Variants in ROBO2 observed in about 807,000 individuals in gnomAD.
The protein encoded by ROBO2 is roundabout homolog 2.
A neutral mutation model predicts 160.8 loss-of-function variants in ROBO2; 53 were observed. That is an observed-to-expected ratio of 0.33 (90% CI 0.26 to 0.41). The LOEUF (loss-of-function observed/expected upper bound fraction) is 0.41, where lower values mean the gene tolerates loss of function less well. Ranked by LOEUF, ROBO2 falls within the 10% of genes least tolerant of loss-of-function variation. ROBO2 has a pLI of 1.00. For missense variants in ROBO2, 1,577 were observed against 1,722.4 expected (o/e 0.92, Z 1.49); for synonymous variants, 664 against 611.7 (o/e 1.09, Z -1.26).
chr3:77,219,187 C>A (rs997025675), intron 2 of ROBO2, among the ~76,000 whole-genome samples: 1 of 151,714 alleles, frequency 6.6e-6, no homozygotes, highest in African/African-American at 2.4e-5. Context: ...CAAGGCTGGT[C>A]TCGAACTCAG....
At chr3:77,024,985 T>C (rs1248388849) in intron 2 of ROBO2, among the ~76,000 whole-genome samples, 1 of 151,682 alleles carries the variant, frequency 6.6e-6, no homozygotes, top group Non-Finnish European at 1.5e-5. Flanking sequence ...TGTTTTTTGT[T>C]TTAAAAAAAA....
intron 2 of ROBO2, among the ~76,000 whole-genome samples, chr3:76,169,319 T>C (rs759683480): frequency 1.8e-4 from 28 of 152,164 alleles, no homozygotes; most frequent in South Asian, 1.2e-3. Context: ...GCTATGAAAA[T>C]TGGCAGATGA....
chr3:76,514,610 GATT>G (rs999798146), intron 2 of ROBO2, among the ~76,000 whole-genome samples: 13 of 152,050 alleles, frequency 8.5e-5, no homozygotes, highest in African/African-American at 2.9e-4. Flanking sequence ...AAAAATCCTA[GATT>G]ATTGTTGTTG....
intron 2 of ROBO2, among the ~76,000 whole-genome samples, chr3:77,030,584 G>A (rs1011224954): frequency 6.6e-6 from 1 of 152,156 alleles, no homozygotes; most frequent in African/African-American, 2.4e-5. Context: ...ATAAAGCCTA[G>A]ACCTCCAGAG....
intron 2 of ROBO2, among the ~76,000 whole-genome samples, chr3:76,473,779 A>C (rs1351782419): frequency 6.6e-6 from 1 of 152,154 alleles, no homozygotes; most frequent in African/African-American, 2.4e-5. Flanking sequence ...AGAATGAGAC[A>C]TTGAAGAAAT....
chr3:76,597,410 T>C (rs1050564832), intron 2 of ROBO2, among the ~76,000 whole-genome samples: 7 of 151,764 alleles, frequency 4.6e-5, no homozygotes, highest in African/African-American at 1.7e-4. Context: ...TAAAACTCAA[T>C]AGTAAAACAA....
intron 2 of ROBO2, among the ~76,000 whole-genome samples, chr3:77,345,471 G>A (rs1160736210): frequency 6.6e-6 from 1 of 152,128 alleles, no homozygotes; most frequent in Non-Finnish European, 1.5e-5. Context: ...AAGGCTAGCT[G>A]CCACAGGGAG....
chr3:76,119,686 CAT>C (rs2070637001), intron 2 of ROBO2, among the ~76,000 whole-genome samples: 1 of 151,732 alleles, frequency 6.6e-6, no homozygotes, highest in South Asian at 2.1e-4. Flanking sequence ...TGTGAAATGT[CAT>C]ATTATCATAG....
intron 2 of ROBO2, among the ~76,000 whole-genome samples, chr3:77,219,599 T>C (rs1378538330): frequency 6.7e-6 from 1 of 148,536 alleles, no homozygotes; most frequent in Non-Finnish European, 1.5e-5. Context: ...AGATTTGAAT[T>C]GTTGTTCTGC....
rs1482244731 is a variant in ROBO2, at chr3:77,634,653, C to T, written c.3761-217C>T. ...GTTCATTTGTTTGATTTTGAGGGGGCCAGTGGGGGTGTTGTTAGCTTATTA... is the reference window on the plus strand; with the variant it reads ...GTTCATTTGTTTGATTTTGAGGGGGTCAGTGGGGGTGTTGTTAGCTTATTA... On this transcript the variant is annotated intron_variant, in intron 23 of 25. Transcript: ENST00000461745. 1.1e-5 allele frequency: 6 copies of T among 544,024 alleles called. No homozygotes were observed. The Middle Eastern group carries it at 3.0e-3, about 273-fold the overall frequency. The allele number at this position is 544,024 out of a possible 1,614,324, so 33.7% of individuals were successfully genotyped here. A position where few individuals can be genotyped will look rare whatever the true frequency, so the allele number is the denominator to read the frequency against.
chr3:76,023,687 C>T (rs78666071), intron 2 of ROBO2, among the ~76,000 whole-genome samples: 5,756 of 151,386 alleles, frequency 0.038, 345 homozygotes, highest in African/African-American at 0.12. Context: ...TAAATATAAC[C>T]ATAACAATAT....
rs5850279 is a variant in ROBO2, at chr3:76,654,929, T to TATATATATATA, written c.110-443085_110-443084insATATATATATA. On this transcript the variant is annotated intron_variant, in intron 2 of 26. Transcript: ENST00000487694. ...TATGTGTGTGTATATATATATATAT[T>TATATATATATA]TATATATATAAATTTAAAGTTCAAA... is the stretch of plus-strand genomic sequence containing the variant. Among the ~76,000 whole-genome samples, 702 of 141,342 alleles carry TATATATATATA rather than the reference T, an allele frequency of 5.0e-3. 9 individuals carry two copies. Among genetic ancestry groups the TATATATATATA allele is most frequent in the East Asian group, 0.019 (92 of 4,808 alleles). The allele number at this position is 141,342 out of a possible 152,430, so 92.7% of individuals were successfully genotyped here.
At chr3:77,392,872 C>T (rs552930350) in intron 2 of ROBO2, among the ~76,000 whole-genome samples, 5 of 152,198 alleles carry the variant, frequency 3.3e-5, no homozygotes, top group South Asian at 2.1e-4. Context: ...GTTATACATA[C>T]GAAACAAATC....
chr3:76,108,189 TC>T (rs149759121), intron 2 of ROBO2, among the ~76,000 whole-genome samples: 1 of 152,098 alleles, frequency 6.6e-6, no homozygotes, highest in Admixed American at 6.6e-5. Flanking sequence ...CTAATCATCT[TC>T]CTGCGTATGA....
At chr3:77,370,365 C>T (rs1447086559) in intron 2 of ROBO2, among the ~76,000 whole-genome samples, 2 of 152,226 alleles carry the variant, frequency 1.3e-5, no homozygotes, top group African/African-American at 4.8e-5. Context: ...ACCTGATCAT[C>T]TCTCAGTATA....
chr3:75,939,975 T>A (rs1474421609), intron 2 of ROBO2, among the ~76,000 whole-genome samples: 2 of 152,284 alleles, frequency 1.3e-5, no homozygotes, highest in African/African-American at 4.8e-5. Context: ...TCCAAGATTA[T>A]GATTAAGTAT....
chr3:77,520,856 AAAT>A (rs1188898005), intron 5 of ROBO2, among the ~76,000 whole-genome samples: 2 of 151,380 alleles, frequency 1.3e-5, no homozygotes, highest in Non-Finnish European at 3.0e-5. Context: ...GCCATTATCA[AAAT>A]AATTGTTTTT....
intron 1 of ROBO2, among the ~76,000 whole-genome samples, chr3:77,083,920 C>A (rs1244017738): frequency 6.6e-6 from 1 of 152,000 alleles, no homozygotes; most frequent in Non-Finnish European, 1.5e-5. Flanking sequence ...AGATACTAAA[C>A]CCACATTTGG....
chr3:77,100,864 A>T (rs760523650), intron 2 of ROBO2, among the ~76,000 whole-genome samples: 2 of 152,230 alleles, frequency 1.3e-5, no homozygotes, highest in Non-Finnish European at 2.9e-5. Flanking sequence ...TTCTAAGAGG[A>T]TACATTACTT....
Sources: allele counts gnomAD v4.1 joint callset (sites outside exome capture counted in the v4.1 genomes callset), GRCh38; gene constraint gnomAD v4.1.1; transcripts MANE v1.5; gene names NCBI Gene and HGNC (gene_info 2026-07-23, HGNC 2026-07-21).